IL1RAPL1: variants seen among roughly 807,000 people sequenced by gnomAD.
The protein encoded by IL1RAPL1 is interleukin 1 receptor accessory protein like 1, also known as interleukin-1 receptor accessory protein-like 1.
A neutral mutation model predicts 48.4 loss-of-function variants in IL1RAPL1; 3 were observed. The ratio of observed to expected loss-of-function variants is 0.06; its 90% CI spans 0.03 to 0.16. The LOEUF (loss-of-function observed/expected upper bound fraction) is 0.16. Ranked by LOEUF, IL1RAPL1 falls within the 10% of genes least tolerant of loss-of-function variation. The pLI, the probability that IL1RAPL1 is intolerant of heterozygous loss-of-function variation, is 1.00. For missense variants in IL1RAPL1, 349 were observed against 530.6 expected (o/e 0.66, Z 3.36); for synonymous variants, 185 against 187.7 (o/e 0.99, Z 0.12).
chrX:29,664,374 GGCCTGGGCAA>G (rs1925937401), intron 5 of IL1RAPL1, among the ~76,000 whole-genome samples: 1 of 100,554 alleles, frequency 9.9e-6, no homozygotes, highest in African/African-American at 3.9e-5. Context: ...ACTGCACTCC[GGCCTGGGCAA>G]CAGAGCGAGA....
At chrX:29,878,894 C>G (rs1427832718) in intron 6 of IL1RAPL1, among the ~76,000 whole-genome samples, 2 of 111,676 alleles carry the variant, frequency 1.8e-5, no homozygotes, top group South Asian at 7.4e-4. Flanking sequence ...AACCTTACTT[C>G]TGGGCATTTA....
intron 2 of IL1RAPL1, among the ~76,000 whole-genome samples, chrX:29,063,299 A>G (rs1166805341): frequency 8.9e-6 from 1 of 111,858 alleles, no homozygotes; most frequent in African/African-American, 3.2e-5. Flanking sequence ...TCTACCTATT[A>G]GCAAATTTCA....
chrX:29,184,042 T>C (rs1164940677), intron 2 of IL1RAPL1, among the ~76,000 whole-genome samples: 2 of 112,295 alleles, frequency 1.8e-5, no homozygotes, highest in Admixed American at 9.4e-5. Context: ...TTTAGGACGT[T>C]TGCTCAAAGA....
intron 2 of IL1RAPL1, among the ~76,000 whole-genome samples, chrX:28,973,252 G>T (rs1925127822): frequency 8.9e-6 from 1 of 112,031 alleles, no homozygotes; most frequent in African/African-American, 3.2e-5. Context: ...CACAGTGATT[G>T]TCCCATCAAA....
chrX:28,636,683 T>C (rs1934469075), intron 1 of IL1RAPL1, among the ~76,000 whole-genome samples: 1 of 111,237 alleles, frequency 9.0e-6, no homozygotes, highest in African/African-American at 3.3e-5. Context: ...CTGGACCTCA[T>C]GGCCATGTTC....
At position 28,864,149 on chromosome X, in the gene IL1RAPL1, A is replaced by G. The variant is rs955579461; in HGVS notation, c.82+74724A>G. On this transcript the variant is annotated intron_variant, in intron 2 of 10. Transcript: ENST00000378993. Reference sequence around the variant, plus strand: ...GGGGACAATTATGTTCTACTGGGATAAGAGAAAGACAGAAAAATGTGGCTT... The same window carrying G: ...GGGGACAATTATGTTCTACTGGGATGAGAGAAAGACAGAAAAATGTGGCTT... Among the ~76,000 whole-genome samples, 3 of 112,289 alleles carry G rather than the reference A, an allele frequency of 2.7e-5. No homozygotes were observed. The South Asian group carries it at 1.1e-3, about 41-fold the overall frequency.
chrX:29,124,234 A>G (rs1466812664), intron 2 of IL1RAPL1, among the ~76,000 whole-genome samples: 1 of 112,290 alleles, frequency 8.9e-6, no homozygotes. Flanking sequence ...ATTGATCCAG[A>G]GGATATTTAC....
intron 6 of IL1RAPL1, among the ~76,000 whole-genome samples, chrX:29,738,531 G>A (rs1928111967): frequency 3.2e-5 from 3 of 92,498 alleles, no homozygotes; most frequent in South Asian, 9.9e-4. Flanking sequence ...CTGCAGCCTC[G>A]ATTTCCTGGG....
At chrX:29,444,020 G>A (rs1170868558) in intron 5 of IL1RAPL1, among the ~76,000 whole-genome samples, 1 of 112,443 alleles carries the variant, frequency 8.9e-6, no homozygotes, top group African/African-American at 3.2e-5. Flanking sequence ...TTTACCTTAT[G>A]TTAGAAGAAG....
At chrX:29,053,471 A>G (rs1927143090) in intron 2 of IL1RAPL1, among the ~76,000 whole-genome samples, 1 of 112,010 alleles carries the variant, frequency 8.9e-6, no homozygotes, top group African/African-American at 3.2e-5. Context: ...TCCACAATGG[A>G]TGAACTAATT....
At chrX:29,728,614 AT>A (rs1927840638) in intron 6 of IL1RAPL1, among the ~76,000 whole-genome samples, 1 of 112,479 alleles carries the variant, frequency 8.9e-6, no homozygotes, top group Non-Finnish European at 1.9e-5. Flanking sequence ...AGACGTGGAC[AT>A]TGCTCTGATC....
chrX:28,594,766 T>G (rs1933938015), intron 1 of IL1RAPL1, among the ~76,000 whole-genome samples: 1 of 112,495 alleles, frequency 8.9e-6, no homozygotes, highest in Non-Finnish European at 1.9e-5. Flanking sequence ...GTCTGACTTC[T>G]GCACTCAGAA....
At position 29,386,020 on chromosome X, in the gene IL1RAPL1, T is replaced by A. The variant is rs779106617; in HGVS notation, c.363-10238T>A. 2.9e-4 allele frequency among the ~76,000 whole-genome samples: 33 copies of A among 112,198 alleles called. No homozygotes were observed. In the South Asian group the frequency reaches 8.5e-3, roughly 29 times the overall value. ...GTTGTCCAACCCCCAACACACTTTT[T>A]AAAAATTTTTTTTAATTATTGTCTT... is the stretch of plus-strand genomic sequence containing the variant. On this transcript the variant is annotated intron_variant, in intron 3 of 10. Coordinates refer to ENST00000378993, the MANE Select transcript of IL1RAPL1 (RefSeq NM_014271.4).
intron 2 of IL1RAPL1, among the ~76,000 whole-genome samples, chrX:29,177,064 C>T (rs968810539): frequency 9.0e-6 from 1 of 111,116 alleles, no homozygotes; most frequent in African/African-American, 3.3e-5. Context: ...GGGGATCTGT[C>T]AAGTAGTGTT....
intron 6 of IL1RAPL1, among the ~76,000 whole-genome samples, chrX:29,758,695 C>CA (rs1164955874): frequency 0.02 from 1,933 of 95,075 alleles, 36 homozygotes; most frequent in African/African-American, 0.058. Context: ...AAACTCTTCT[C>CA]AAAAAAAAAA....
At chrX:29,635,300 G>A (rs1924931963) in intron 5 of IL1RAPL1, among the ~76,000 whole-genome samples, 1 of 111,651 alleles carries the variant, frequency 9.0e-6, no homozygotes, top group African/African-American at 3.3e-5. Flanking sequence ...GGACACCAAG[G>A]GTAAAGATTC....
intron 2 of IL1RAPL1, among the ~76,000 whole-genome samples, chrX:28,939,246 A>T (rs111957120): frequency 2.7e-5 from 3 of 109,665 alleles, no homozygotes; most frequent in South Asian, 3.9e-4. Flanking sequence ...TGTTCATTGC[A>T]GCAGTATTCA....
chrX:28,953,911 A>G (rs1437849916), intron 2 of IL1RAPL1, among the ~76,000 whole-genome samples: 1 of 111,578 alleles, frequency 9.0e-6, no homozygotes, highest in Non-Finnish European at 1.9e-5. Flanking sequence ...CATTGGCATT[A>G]CATTTTTTCA....
chrX:28,950,221 C>G (rs1296267415), intron 2 of IL1RAPL1, among the ~76,000 whole-genome samples: 1,035 of 79,763 alleles, frequency 0.013, 22 homozygotes, highest in African/African-American at 0.046. Context: ...GCTTGTTTTT[C>G]TCAGGTTTGT....
Sources: gnomAD v4.1 joint callset for allele counts (sites outside exome capture counted in the v4.1 genomes callset) on GRCh38, gnomAD v4.1.1 for gene constraint, MANE v1.5 for transcripts, NCBI Gene and HGNC (gene_info 2026-07-23, HGNC 2026-07-21) for gene names.